Variants in CBR4 observed in about 807,000 individuals in gnomAD.
CBR4 encodes 3-oxoacyl-[acyl-carrier-protein] reductase.
A neutral mutation model predicts 21.0 loss-of-function variants in CBR4; 22 were observed. The observed-to-expected ratio is 1.05, with a 90% CI of 0.75 to 1.50. CBR4 has a LOEUF of 1.50. Ranked by LOEUF, CBR4 falls within the 40% of genes most tolerant of loss-of-function variation. CBR4 has a pLI of 0.00. For synonymous variants in CBR4, 100 were observed against 104.4 expected (o/e 0.96, Z 0.26); for missense variants, 302 against 286.3 (o/e 1.05, Z -0.40).
chr4:168,900,248 C>T (rs531258524), intron 2 of CBR4, among the ~76,000 whole-genome samples: 5 of 152,282 alleles, frequency 3.3e-5, no homozygotes, highest in African/African-American at 1.2e-4. Flanking sequence ...CACTGGGAGT[C>T]CCATTTCAGC....
At chr4:168,926,512 A>G in intron 2 of CBR4, 1 of 657,490 alleles carries the variant, frequency 1.5e-6, no homozygotes, top group South Asian at 2.4e-5. Context: ...AAAACACCAA[A>G]ATAATATTTT....
intron 2 of CBR4, among the ~76,000 whole-genome samples, chr4:168,963,006 T>A (rs1763908904): frequency 6.6e-6 from 1 of 152,220 alleles, no homozygotes; most frequent in Admixed American, 6.5e-5. Flanking sequence ...AGTATACTCC[T>A]CATTTTGAGC....
At chr4:168,991,106 C>A (rs573859602) in intron 4 of CBR4, among the ~76,000 whole-genome samples, 1 of 152,036 alleles carries the variant, frequency 6.6e-6, no homozygotes, top group Non-Finnish European at 1.5e-5. Context: ...AGACACCAAG[C>A]CTACATTTTT....
At chr4:168,918,108 G>T (rs1274284818) in intron 2 of CBR4, among the ~76,000 whole-genome samples, 1 of 151,574 alleles carries the variant, frequency 6.6e-6, no homozygotes, top group Non-Finnish European at 1.5e-5. Context: ...CTGAGGCAGG[G>T]GAATCACTTG....
intron 3 of CBR4, among the ~76,000 whole-genome samples, chr4:169,004,151 G>A (rs1324951757): frequency 1.3e-5 from 2 of 152,078 alleles, no homozygotes; most frequent in Non-Finnish European, 2.9e-5. Context: ...ACTATTATCA[G>A]TCAGCAGCCA....
chr4:168,971,393 C>A (rs1348931157), intron 2 of CBR4, among the ~76,000 whole-genome samples: 1 of 151,790 alleles, frequency 6.6e-6, no homozygotes, highest in Non-Finnish European at 1.5e-5. Context: ...CCTCAGCCTC[C>A]CGAGTAGCTG....
chr4:169,002,458 G>A (rs567848751), intron 3 of CBR4, among the ~76,000 whole-genome samples: 47 of 152,292 alleles, frequency 3.1e-4, no homozygotes, highest in South Asian at 2.5e-3. Context: ...AGGTGCTTGC[G>A]AATTGATTCA....
chr4:168,921,426 A>AT, intron 2 of CBR4: 2 of 648,456 alleles, frequency 3.1e-6, no homozygotes, highest in Non-Finnish European at 5.2e-6. Flanking sequence ...AAAAAAAAAA[A>AT]GCCACCTCTT....
intron 2 of CBR4, among the ~76,000 whole-genome samples, chr4:168,979,047 A>G (rs1041742716): frequency 6.6e-6 from 1 of 152,122 alleles, no homozygotes; most frequent in Admixed American, 6.5e-5. Flanking sequence ...TTGAGCCTCC[A>G]GCACAGCATA....
intron 2 of CBR4, among the ~76,000 whole-genome samples, chr4:168,905,790 C>CTTTTTTTTTTTTTTTT (rs59427697): frequency 1.7e-4 from 19 of 113,128 alleles, no homozygotes; most frequent in Admixed American, 2.1e-4. Context: ...GCTTTTTTTT[C>CTTTTTTTTTTTTTTTT]TTTTTTTTTT....
In CBR4 at chr4:168,977,543, C is replaced by T. The variant is rs376424874; in HGVS notation, n.169+24528G>A. 2.0e-5 allele frequency among the ~76,000 whole-genome samples: 3 copies of T among 152,294 alleles called. No homozygotes were observed. The East Asian group carries it at 5.8e-4, about 29-fold the overall frequency. On this transcript the variant is annotated intron_variant and non_coding_transcript_variant, in intron 2 of 3. Transcript: ENST00000509108. ...TTATCATCTAAACGCTCACTCTAAA[C>T]TCTCTACCTAAGCAATCCCTTCCAT...
At chr4:168,936,314 C>T (rs969295487) in intron 2 of CBR4, among the ~76,000 whole-genome samples, 4 of 152,166 alleles carry the variant, frequency 2.6e-5, no homozygotes, top group Non-Finnish European at 5.9e-5. Flanking sequence ...GATAAATCCA[C>T]GAAGATGGGG....
chr4:168,975,938 T>A (rs984956712), intron 2 of CBR4, among the ~76,000 whole-genome samples: 6 of 152,262 alleles, frequency 3.9e-5, no homozygotes, highest in Middle Eastern at 3.4e-3. Context: ...ACTCCCACCA[T>A]GCCTCCCTAA....
At chr4:168,945,842 A>T (rs1015123695) in intron 2 of CBR4, among the ~76,000 whole-genome samples, 2 of 152,214 alleles carry the variant, frequency 1.3e-5, no homozygotes, top group African/African-American at 4.8e-5. Flanking sequence ...CATAAATCCA[A>T]AAGAACAAGA....
intron 2 of CBR4, chr4:168,896,410 T>A: frequency 1.5e-6 from 1 of 647,750 alleles, no homozygotes; most frequent in African/African-American, 1.8e-5. Flanking sequence ...AGCAGAATGG[T>A]TGTGTGAGTA....
At chr4:168,896,506 A>C (rs951437937) in intron 2 of CBR4, 3 of 1,133,784 alleles carry the variant, frequency 2.6e-6, no homozygotes, top group Admixed American at 2.0e-5. Context: ...CATTCTTATT[A>C]TTTCTATTAT....
At chr4:168,925,499 G>GT (rs2126601502) in intron 2 of CBR4, 1 of 539,942 alleles carries the variant, frequency 1.9e-6, no homozygotes, top group South Asian at 2.1e-5. Context: ...CACTCTAAAC[G>GT]TGTGTTCCAT....
intron 2 of CBR4, among the ~76,000 whole-genome samples, chr4:168,956,475 A>G (rs943000008): frequency 4.0e-5 from 6 of 151,586 alleles, no homozygotes; most frequent in Non-Finnish European, 7.4e-5. Context: ...GCGTGTGCCT[A>G]TAGTCCCAGC....
chr4:168,956,431 C>CA (rs1389291680), intron 2 of CBR4, among the ~76,000 whole-genome samples: 1,932 of 147,948 alleles, frequency 0.013, 50 homozygotes, highest in African/African-American at 0.04. Context: ...CCTGTCTCCA[C>CA]AAAAAAAAAC....
Sources: allele counts gnomAD v4.1 joint callset (sites outside exome capture counted in the v4.1 genomes callset), GRCh38; gene constraint gnomAD v4.1.1; transcripts MANE v1.5; gene names NCBI Gene and HGNC (gene_info 2026-07-23, HGNC 2026-07-21).